The following GALNT13 variants were observed in gnomAD, a reference collection of about 807,000 sequenced individuals.
The protein encoded by GALNT13 is UDP-GalNAc:polypeptide N-acetylgalactosaminyltransferase 13.
Under a neutral mutation model 64.2 loss-of-function variants are expected in GALNT13, and 28 were observed. That is an observed-to-expected ratio of 0.44 (90% CI 0.32 to 0.60). The LOEUF (loss-of-function observed/expected upper bound fraction) is 0.60. GALNT13 is among the 20% of genes least tolerant of loss of function. The probability of loss-of-function intolerance (pLI) is 0.05; values close to 1 mark genes in which losing one functional copy is unlikely to be tolerated. For missense variants in GALNT13, 577 were observed against 669.8 expected (o/e 0.86, Z 1.53); for synonymous variants, 214 against 224.6 (o/e 0.95, Z 0.42).
chr2:153,626,372 T>G, the GALNT13 span, among the ~76,000 whole-genome samples: 1 of 152,154 alleles, frequency 6.6e-6, no homozygotes. Flanking sequence ...TGAATACAAA[T>G]TGTATTTTTC....
chr2:153,342,032 G>T, the GALNT13 span, among the ~76,000 whole-genome samples: 2 of 152,194 alleles, frequency 1.3e-5, no homozygotes, highest in Non-Finnish European at 2.9e-5. Context: ...GTCTGGGTAA[G>T]ACAAAGGCTC....
At chr2:153,539,920 T>G in the GALNT13 span, among the ~76,000 whole-genome samples, 9 of 152,174 alleles carry the variant, frequency 5.9e-5, no homozygotes, top group Non-Finnish European at 1.2e-4. Flanking sequence ...GCATAAAAGT[T>G]TGGAAAATGT....
At chr2:153,473,802 T>G in the GALNT13 span, among the ~76,000 whole-genome samples, 6 of 152,142 alleles carry the variant, frequency 3.9e-5, no homozygotes, top group African/African-American at 1.4e-4. Flanking sequence ...TTGCAGAAAC[T>G]CAAAAGGAAA....
chr2:154,241,300 C>G (rs183418510), intron 4 of GALNT13, among the ~76,000 whole-genome samples: 37 of 152,296 alleles, frequency 2.4e-4, no homozygotes, highest in African/African-American at 8.9e-4. Flanking sequence ...GAGCCCTAGC[C>G]AGGGACCACG....
the GALNT13 span, among the ~76,000 whole-genome samples, chr2:153,545,440 C>T: frequency 2.0e-4 from 31 of 152,158 alleles, no homozygotes; most frequent in Non-Finnish European, 3.7e-4. Context: ...AAAATGCCTG[C>T]TTTGTCTTGG....
chr2:153,167,764 A>T, the GALNT13 span, among the ~76,000 whole-genome samples: 1 of 152,190 alleles, frequency 6.6e-6, no homozygotes, highest in Non-Finnish European at 1.5e-5. Context: ...CAAGCCTTAG[A>T]AAAAGGCTGC....
intron 7 of GALNT13, among the ~76,000 whole-genome samples, chr2:154,249,055 A>G (rs554323675): frequency 6.6e-6 from 1 of 152,316 alleles, no homozygotes; most frequent in East Asian, 1.9e-4. Context: ...ATTACCTAAT[A>G]GAGTAGGCAA....
the GALNT13 span, among the ~76,000 whole-genome samples, chr2:153,620,872 C>T: frequency 6.6e-6 from 1 of 151,892 alleles, no homozygotes; most frequent in Non-Finnish European, 1.5e-5. Flanking sequence ...TTGTAGTCTT[C>T]ACTGTGTGGG....
intron 3 of GALNT13, among the ~76,000 whole-genome samples, chr2:154,104,428 A>G (rs761065929): frequency 6.6e-6 from 1 of 152,122 alleles, no homozygotes; most frequent in Non-Finnish European, 1.5e-5. Context: ...TATTGTGAAT[A>G]CCACTGGGAA....
intron 11 of GALNT13, among the ~76,000 whole-genome samples, chr2:154,421,559 T>C (rs956682454): frequency 5.9e-5 from 9 of 151,772 alleles, no homozygotes; most frequent in Non-Finnish European, 1.0e-4. Flanking sequence ...ATCATGAGAT[T>C]GTCATTTTTC....
the GALNT13 span, among the ~76,000 whole-genome samples, chr2:153,615,104 C>A: frequency 6.6e-6 from 1 of 152,148 alleles, no homozygotes; most frequent in South Asian, 2.1e-4. Context: ...TTCCTAGAAC[C>A]CACACATAAG....
chr2:153,903,764 A>C (rs926502461), intron 2 of GALNT13, among the ~76,000 whole-genome samples: 3 of 151,986 alleles, frequency 2.0e-5, no homozygotes, highest in Admixed American at 1.3e-4. Flanking sequence ...CTACATAATT[A>C]TTACTCTTTT....
intron 4 of GALNT13, among the ~76,000 whole-genome samples, chr2:154,210,506 T>C (rs948773718): frequency 6.6e-6 from 1 of 152,138 alleles, no homozygotes; most frequent in Non-Finnish European, 1.5e-5. Flanking sequence ...AGGAACTGAA[T>C]GAAGGCCAAT....
chr2:153,890,825 C>A (rs1179782615), intron 1 of GALNT13, among the ~76,000 whole-genome samples: 1 of 151,992 alleles, frequency 6.6e-6, no homozygotes, highest in African/African-American at 2.4e-5. Context: ...AGCTGTTAAA[C>A]CTGAATAGAG....
At chr2:153,142,712 G>A in the GALNT13 span, among the ~76,000 whole-genome samples, 1 of 151,940 alleles carries the variant, frequency 6.6e-6, no homozygotes, top group African/African-American at 2.4e-5. Flanking sequence ...GTTATGTATG[G>A]AAATGGGAAG....
intron 4 of GALNT13, among the ~76,000 whole-genome samples, chr2:154,195,161 T>G (rs2105765409): frequency 6.6e-6 from 1 of 152,180 alleles, no homozygotes; most frequent in East Asian, 1.9e-4. Context: ...CCCATCCCAC[T>G]TGAGAATAAA....
At chr2:153,222,341 G>GT in the GALNT13 span, among the ~76,000 whole-genome samples, 1 of 133,058 alleles carries the variant, frequency 7.5e-6, no homozygotes, top group African/African-American at 2.7e-5. Flanking sequence ...GTGGGGGGGG[G>GT]GGTTGGGCTT....
At position 154,218,183 on chromosome 2, in the gene GALNT13, TCAG is replaced by T. The variant is rs985122749; in HGVS notation, c.312-23843_312-23841del. On this transcript the variant is annotated intron_variant, in intron 4 of 12. Transcript: ENST00000392825. The stretch of plus-strand genomic sequence containing the variant: ...GAATGGTCTGACTTTCATCAGTTTC[TCAG>T]CAGTGAGCCTGAGCATTAACATTCA... Among the ~76,000 whole-genome samples the T allele has an allele frequency of 2.6e-4, 40 of 152,296 alleles. 1 individual carries two copies. The highest frequency in any genetic ancestry group is 9.4e-4 in the African/African-American group (39 of 41,584).
chr2:153,101,092 T>C, the GALNT13 span, among the ~76,000 whole-genome samples: 2 of 152,192 alleles, frequency 1.3e-5, no homozygotes, highest in African/African-American at 4.8e-5. Flanking sequence ...ATGTATGTTA[T>C]GATGTAAATA....
Sources: allele counts gnomAD v4.1 joint callset (sites outside exome capture counted in the v4.1 genomes callset), GRCh38; gene constraint gnomAD v4.1.1; transcripts MANE v1.5; gene names NCBI Gene and HGNC (gene_info 2026-07-23, HGNC 2026-07-21).